Variants in ZC3H14 observed in about 807,000 individuals in gnomAD.
ZC3H14 encodes the protein zinc finger CCCH domain-containing protein 14.
Under a neutral mutation model 92.4 loss-of-function variants are expected in ZC3H14, and 31 were observed. That is an observed-to-expected ratio of 0.34 (90% CI 0.25 to 0.45). ZC3H14 has a LOEUF of 0.45. Among genes scored for constraint, ZC3H14 ranks in the 20% least tolerant of loss-of-function variants. The pLI, the probability that ZC3H14 is intolerant of heterozygous loss-of-function variation, is 1.00. For synonymous variants in ZC3H14, 321 were observed against 300.9 expected (o/e 1.07, Z -0.69); for missense variants, 781 against 897.3 (o/e 0.87, Z 1.66).
At position 88,609,793 on chromosome 14, in the gene ZC3H14, A is replaced by G. The variant is rs2086240602; in HGVS notation, c.2087A>G (p.Tyr696Cys). ...TGTAAGAAGATGGAATGTCCCTTCT[A>G]TCATCCAAAAGTAAGAACTTCTATT... ...PACKKMECPF[Y>C]HPKHCRFNTQ... The change falls in exon 15 of 17, where the codon TAT becomes TGT. Residue 696 changes from tyrosine (Y) to cysteine (C), a missense_variant. By Grantham distance (194) the Tyr-to-Cys change is radical. Around this residue, in one of 3 missense-constraint regions of ZC3H14, gnomAD observed 221 missense variants for 304.7 expected, o/e 0.73. Coordinates refer to ENST00000251038, the MANE Select transcript of ZC3H14 (RefSeq NM_024824.5). 6.2e-7 allele frequency: 1 copy of G among 1,614,070 alleles called. No individual in the cohort carries two copies. Among genetic ancestry groups the G allele is most frequent in the Non-Finnish European group, 8.5e-7 (1 of 1,179,910 alleles).
At position 88,602,027 on chromosome 14, in the gene ZC3H14, G is replaced by A. The variant is rs144151808; in HGVS notation, c.1458G>A (p.Ser486=). 34 of 1,614,112 alleles carry A rather than the reference G, an allele frequency of 2.1e-5. No individual in the cohort carries two copies. The highest frequency in any genetic ancestry group is 1.3e-4 in the Admixed American group (8 of 60,014). The part of the protein sequence containing the change: ...EEVVVAPNQE[S]GMKTADSLRV... ...TAGTAGTGGCACCAAACCAAGAGTC[G>A]GGGATGAAGACTGCAGATTCCCTTC... The change falls in exon 11 of 17, where the codon TCG becomes TCA. Residue 486 remains serine, a synonymous_variant. Transcript: ENST00000251038.
chr14:88,563,786 A>G, intron 2 of ZC3H14, 93 bp downstream of exon 2: 1 of 1,225,370 alleles, frequency 8.2e-7, no homozygotes, highest in Non-Finnish European at 1.2e-6. Context: ...TACTTTGGAC[A>G]TTGGGAGAGA....
At chr14:88,611,504 C>T (rs543991745) in intron 16 of ZC3H14, among the ~76,000 whole-genome samples, 35 of 152,200 alleles carry the variant, frequency 2.3e-4, no homozygotes, top group African/African-American at 8.2e-4. Flanking sequence ...ACATTAGCAA[C>T]TGGGAGATAC....
chr14:88,607,934 T>TC (rs1324369258), intron 13 of ZC3H14, among the ~76,000 whole-genome samples: 1 of 42,740 alleles, frequency 2.3e-5, no homozygotes, highest in Non-Finnish European at 4.0e-5. Flanking sequence ...GCAAGTACCA[T>TC]CCCCCATCTC....
chr14:88,612,780 T>TA lies in ZC3H14; in HGVS notation c.*1030dup, dbSNP rs1491290850. 1 of 152,596 alleles carries TA rather than the reference T, an allele frequency of 6.6e-6. No homozygotes were observed. The highest frequency in any genetic ancestry group is 6.6e-5 in the Admixed American group (1 of 15,266). The allele number at this position is 152,596 out of a possible 1,614,324, so 9.5% of individuals were successfully genotyped here. ...GAAACTTTTGGCCTACTGTATTACT[T>TA]ACAGAGTTTTTTTGTGTGTGGTTTT... On this transcript the variant is annotated 3_prime_UTR_variant, in exon 17 of 17. Coordinates refer to ENST00000251038, the MANE Select transcript of ZC3H14 (RefSeq NM_024824.5).
Position 88,618,707 on chromosome 14 carries a change from T to A in ZC3H14, c.*6956T>A, listed in dbSNP as rs1483595368. 6.2e-7 allele frequency: 1 copy of A among 1,611,780 alleles called. No homozygotes were observed. Among genetic ancestry groups the A allele is most frequent in the African/African-American group, 1.3e-5 (1 of 74,924 alleles). On this transcript the variant is annotated 3_prime_UTR_variant, in exon 17 of 17. Transcript: ENST00000251038. ...TTTGAATGACAAAGCTTGGAATGTC[T>A]TTGCAGTAGCTGATTCTGTTAAGAG...
intron 9 of ZC3H14, among the ~76,000 whole-genome samples, chr14:88,586,905 CT>C (rs1272270189): frequency 6.6e-6 from 1 of 152,126 alleles, no homozygotes; most frequent in Non-Finnish European, 1.5e-5. Flanking sequence ...CTTTTAAATG[CT>C]TCTGTTTCTT....
intron 9 of ZC3H14, among the ~76,000 whole-genome samples, chr14:88,580,428 T>G (rs1042928214): frequency 1.1e-4 from 16 of 152,124 alleles, no homozygotes; most frequent in African/African-American, 3.1e-4. Flanking sequence ...AGGCCAGGAG[T>G]TGAAGATCAG....
At chr14:88,563,229 G>C (rs1254097710) in intron 1 of ZC3H14, 60 bp downstream of exon 1, 1 of 1,569,934 alleles carries the variant, frequency 6.4e-7, no homozygotes, top group African/African-American at 1.4e-5. Context: ...CGGTTGTCAG[G>C]AGTAACGGGG....
At chr14:88,605,316 T>G (rs1595075555) in intron 12 of ZC3H14, among the ~76,000 whole-genome samples, 1 of 152,214 alleles carries the variant, frequency 6.6e-6, no homozygotes, top group East Asian at 1.9e-4. Flanking sequence ...TTCTTGTATC[T>G]TAGAACTAAA....
At chr14:88,578,736 C>T (rs1017982640) in intron 9 of ZC3H14, among the ~76,000 whole-genome samples, 10 of 151,134 alleles carry the variant, frequency 6.6e-5, no homozygotes, top group Non-Finnish European at 4.4e-5. Context: ...TCCCAGCAAC[C>T]CTAATTTATC....
At position 88,573,000 on chromosome 14, in the gene ZC3H14, G is replaced by C; in HGVS notation, c.854G>C (p.Ser285Thr). ...PFFRNNSEKM[S>T]MEDENFRKRK... ...TTTAGAAACAACTCGGAGAAAATGA[G>C]TATGGAGGTTTGTATGTACTTTTAA... The change falls in exon 6 of 17, where the codon AGT (serine) becomes ACT (threonine). Residue 285 changes from serine to threonine, a missense_variant. Around this residue, in one of 3 missense-constraint regions of ZC3H14, gnomAD observed 454 missense variants for 438.5 expected, o/e 1.04. Transcript: ENST00000251038. The C allele has an allele frequency of 6.2e-7, 1 of 1,613,968 alleles. No individual in the cohort carries two copies. The highest frequency in any genetic ancestry group is 8.5e-7 in the Non-Finnish European group (1 of 1,180,032).
At chr14:88,571,462 A>G (rs931993795) in intron 4 of ZC3H14, among the ~76,000 whole-genome samples, 13 of 152,218 alleles carry the variant, frequency 8.5e-5, no homozygotes, top group African/African-American at 3.1e-4. Flanking sequence ...CATGTGTGGA[A>G]TAATATTTAA....
rs2086269896 is a variant in ZC3H14 at position 88,609,915 on chromosome 14, C to G, written c.2097+112C>G. The G allele has an allele frequency of 2.2e-5, 25 of 1,149,604 alleles. No individual in the cohort carries two copies. The South Asian group carries it at 3.2e-4, about 15-fold the overall frequency. 71.2% of individuals were successfully genotyped at this position (1,149,604 alleles called of 1,614,324 possible). On this transcript the variant is annotated intron_variant, in intron 15 of 16. Transcript: ENST00000251038. ...GGTGCAAAAGTAATTGCGATTTTTG[C>G]CAGTAAAACTATTAAGTTGTTCCTC...
rs548584441 is a variant in ZC3H14, at chr14:88,611,641, C to A, written c.2205-104C>A. 8.3e-4 allele frequency: 1,116 copies of A among 1,351,362 alleles called. 9 individuals are homozygous for A. The South Asian group carries it at 9.2e-3, about 11-fold the overall frequency. 83.7% of individuals were successfully genotyped at this position (1,351,362 alleles called of 1,614,324 possible). ...GCCATTTATATTGTAATCTTATGAC[C>A]AAATATTTATTGCTTAAAACTAGTC... On this transcript the variant is annotated intron_variant, in intron 16 of 16. Transcript: ENST00000251038.
intron 9 of ZC3H14, chr14:88,594,407 T>C: frequency 9.0e-7 from 1 of 1,110,390 alleles, no homozygotes. Context: ...TAGGGTTTAC[T>C]GGAAGAGGAG....
chr14:88,572,682 A>C lies in ZC3H14; in HGVS notation c.536A>C (p.Asp179Ala). Residue 179 changes from aspartate (D) to alanine (A), a missense_variant, in exon 6 of 17, where the codon GAT (aspartate) becomes GCT (alanine). By Grantham distance (126) the Asp-to-Ala change is moderately radical. Transcript: ENST00000251038. ...GTGATTGATATTAAGCCAGAACCAG[A>C]TGATCTCATTGACGAAGACCTCAAC... ...EDVIDIKPEP[D>A]DLIDEDLNFV... 2.5e-6 allele frequency: 4 copies of C among 1,614,232 alleles called. No individual in the cohort carries two copies. Among genetic ancestry groups the C allele is most frequent in the Non-Finnish European group, 3.4e-6 (4 of 1,180,054 alleles).
In ZC3H14 at chr14:88,625,242, A is replaced by G; in HGVS notation, c.*13491A>G. 1 of 1,220,922 alleles carries G rather than the reference A, an allele frequency of 8.2e-7. No homozygotes were observed. The highest frequency in any genetic ancestry group is 1.1e-6 in the Non-Finnish European group (1 of 885,592). 75.6% of individuals were successfully genotyped at this position (1,220,922 alleles called of 1,614,324 possible). ...CTCACCCTTGATACAAAGAGCATGC[A>G]TCGTGTAGTGGCAGCAGCACTGAAT... On this transcript the variant is annotated 3_prime_UTR_variant, in exon 17 of 17. Coordinates refer to ENST00000251038, the MANE Select transcript of ZC3H14 (RefSeq NM_024824.5).
Position 88,623,294 on chromosome 14 carries a change from G to A in ZC3H14, c.*11543G>A, listed in dbSNP as rs189543000. ...GGCCTCCCAAAGTGCTGGGATTCCA[G>A]GTATGAGCCACTGTGCCTGGCCTCA... On this transcript the variant is annotated 3_prime_UTR_variant, in exon 17 of 17. Coordinates refer to ENST00000251038, the MANE Select transcript of ZC3H14 (RefSeq NM_024824.5). 6.6e-6 allele frequency: 1 copy of A among 152,240 alleles called. No homozygotes were observed. Among genetic ancestry groups the A allele is most frequent in the East Asian group, 1.9e-4 (1 of 5,180 alleles). The allele number at this position is 152,240 out of a possible 1,614,324, so 9.4% of individuals were successfully genotyped here.
Sources: gnomAD v4.1 joint callset for allele counts (sites outside exome capture counted in the v4.1 genomes callset) on GRCh38, gnomAD v4.1.1 for gene constraint, gnomAD v4.1.1 regional missense constraint, MANE v1.5 for transcripts, NCBI Gene and HGNC (gene_info 2026-07-23, HGNC 2026-07-21) for gene names.